The following CACNA1I variants were observed in gnomAD, a reference collection of about 807,000 sequenced individuals.
The protein encoded by CACNA1I is calcium voltage-gated channel subunit alpha1 I.
A neutral mutation model predicts 201.6 loss-of-function variants in CACNA1I; 74 were observed. That is an observed-to-expected ratio of 0.37 (90% CI 0.30 to 0.45). CACNA1I has a LOEUF of 0.45. Among genes scored for constraint, CACNA1I ranks in the 20% least tolerant of loss-of-function variants. CACNA1I has a pLI of 1.00. For missense variants in CACNA1I, 2,346 were observed against 3,138.1 expected (o/e 0.75, Z 6.03); for synonymous variants, 1,431 against 1,345.2 (o/e 1.06, Z -1.40).
chr22:39,618,839 G>A (rs1933642372), intron 3 of CACNA1I, among the ~76,000 whole-genome samples: 1 of 152,150 alleles, frequency 6.6e-6, no homozygotes, highest in African/African-American at 2.4e-5. Context: ...TGCCTCTTGA[G>A]GGAGATCTGG....
chr22:39,617,441 A>G (rs945539539), intron 3 of CACNA1I, among the ~76,000 whole-genome samples: 4 of 151,202 alleles, frequency 2.6e-5, no homozygotes, highest in Non-Finnish European at 5.9e-5. Flanking sequence ...GATCTGGAGA[A>G]CCAAGGCAGG....
At chr22:39,620,250 TCC>T (rs1191369119) in intron 4 of CACNA1I, among the ~76,000 whole-genome samples, 17 of 95,596 alleles carry the variant, frequency 1.8e-4, no homozygotes, top group African/African-American at 5.3e-4. Flanking sequence ...CATCCATCCA[TCC>T]ATCCATCCAT....
At chr22:39,650,815 G>C (rs1243977411) in intron 10 of CACNA1I, among the ~76,000 whole-genome samples, 2 of 152,234 alleles carry the variant, frequency 1.3e-5, no homozygotes, top group Non-Finnish European at 2.9e-5. Context: ...GGCCATCACA[G>C]GGCTGGTGGG....
intron 1 of CACNA1I, among the ~76,000 whole-genome samples, chr22:39,577,491 G>A (rs968014335): frequency 2.6e-5 from 4 of 152,234 alleles, no homozygotes; most frequent in Admixed American, 6.5e-5. Context: ...TGTGCTGCGC[G>A]TGACGAGGGT....
At position 39,665,403 on chromosome 22, in the gene CACNA1I, C is replaced by G; in HGVS notation, c.3852-95C>G. ...CTGGTGAGCCCTGGGGACTCATGCC[C>G]TGGGATACTCAGCCCTGGTGACTCT... On this transcript the variant is annotated intron_variant, in intron 21 of 36. Coordinates refer to ENST00000402142, the MANE Select transcript of CACNA1I (RefSeq NM_021096.4). This position sits in a 1 kb window ranked among gnomAD's most constrained non-coding sequence, Gnocchi z 5.5. 1 of 1,477,912 alleles carries G rather than the reference C, an allele frequency of 6.8e-7. No homozygotes were observed. The highest frequency in any genetic ancestry group is 9.2e-7 in the Non-Finnish European group (1 of 1,084,452). The allele number at this position is 1,477,912 out of a possible 1,614,324, so 91.5% of individuals were successfully genotyped here.
intron 19 of CACNA1I, 84 bp downstream of exon 19, chr22:39,663,925 C>A: frequency 6.3e-7 from 1 of 1,575,112 alleles, no homozygotes; most frequent in East Asian, 2.2e-5. Flanking sequence ...GAGACCTCAC[C>A]GAGGTGGGGA....
chr22:39,673,498 C>T (rs1318234366), intron 28 of CACNA1I, among the ~76,000 whole-genome samples: 1 of 152,224 alleles, frequency 6.6e-6, no homozygotes, highest in Non-Finnish European at 1.5e-5. Flanking sequence ...TTCTCCCTCC[C>T]CTCAAGGTAG....
rs764280323 is a variant in CACNA1I at position 39,659,125 on chromosome 22, G to A, written c.2330+9G>A. 73 of 1,611,304 alleles carry A rather than the reference G, an allele frequency of 4.5e-5. No individual in the cohort carries two copies. Among genetic ancestry groups the A allele is most frequent in the Non-Finnish European group, 6.1e-5 (72 of 1,179,450 alleles). ...TTCATCTTCATCTTCAGGTGAGCCT[G>A]CCCTGCTGGGGGCCATACCTCAGCA... On this transcript the variant is annotated intron_variant, in intron 12 of 36. Coordinates refer to ENST00000402142, the MANE Select transcript of CACNA1I (RefSeq NM_021096.4). This position sits in a 1 kb window ranked among gnomAD's most constrained non-coding sequence, Gnocchi z 4.3.
Position 39,677,912 on chromosome 22 carries a change from C to A in CACNA1I, c.4934-75C>A. The A allele has an allele frequency of 6.7e-7, 1 of 1,482,790 alleles. No homozygotes were observed. The allele number at this position is 1,482,790 out of a possible 1,614,324, so 91.9% of individuals were successfully genotyped here. On this transcript the variant is annotated intron_variant, in intron 30 of 36. Transcript: ENST00000402142. This position sits in a 1 kb window ranked among gnomAD's most constrained non-coding sequence, Gnocchi z 4.8. ...GTGTGATGAGGGTTCTGAGGCGAGG[C>A]GGGAGGCACCAGGTCAGGGTGAGCC... is the stretch of plus-strand genomic sequence containing the variant.
chr22:39,674,118 C>T (rs891612771), intron 29 of CACNA1I, 85 bp downstream of exon 29: 3 of 1,276,396 alleles, frequency 2.4e-6, no homozygotes, highest in African/African-American at 2.9e-5. Context: ...GATTTCCCTT[C>T]TCCTCACATC....
intron 3 of CACNA1I, among the ~76,000 whole-genome samples, chr22:39,605,705 C>A (rs1045525123): frequency 2.0e-5 from 3 of 152,140 alleles, no homozygotes; most frequent in African/African-American, 7.2e-5. Context: ...GGAATGGGGT[C>A]CTGCTTTTGA....
At chr22:39,587,802 G>C (rs1368857301) in intron 1 of CACNA1I, 2 of 427,560 alleles carry the variant, frequency 4.7e-6, no homozygotes, top group Non-Finnish European at 9.3e-6. Context: ...TTGAGACAGA[G>C]TCTTGCTCTG....
chr22:39,631,980 T>C (rs1396330353), intron 4 of CACNA1I, among the ~76,000 whole-genome samples: 2 of 151,748 alleles, frequency 1.3e-5, no homozygotes, highest in African/African-American at 4.8e-5. Flanking sequence ...GGGAGGGCTG[T>C]GAAGTGCGCT....
chr22:39,677,326 C>A lies in CACNA1I; in HGVS notation c.4855-15C>A. ...CGCTCCCCAGCCCCACCCGGCCTCA[C>A]CTGTCCTCCCGCAGGTGGGCAACCT... On this transcript the variant is annotated splice_polypyrimidine_tract_variant and intron_variant, in intron 29 of 36. Transcript: ENST00000402142. The surrounding 1 kb of genome is among the most constrained non-coding windows in gnomAD (Gnocchi z 4.8). The A allele has an allele frequency of 6.3e-7, 1 of 1,577,636 alleles. No homozygotes were observed. The highest frequency in any genetic ancestry group is 8.6e-7 in the Non-Finnish European group (1 of 1,164,316).
In CACNA1I at chr22:39,670,959, G is replaced by A. The variant is rs1486390700; in HGVS notation, c.4539+5G>A. 6.2e-7 allele frequency: 1 copy of A among 1,613,480 alleles called. No homozygotes were observed. Among genetic ancestry groups the A allele is most frequent in the Non-Finnish European group, 8.5e-7 (1 of 1,179,482 alleles). ...GAGCACTACAATCAGCCCACGGTGA[G>A]CCCTGGTCTGCCTCCCAGCCCAAGG... On this transcript the variant is annotated splice_donor_5th_base_variant and intron_variant, in intron 26 of 36. Coordinates refer to ENST00000402142, the MANE Select transcript of CACNA1I (RefSeq NM_021096.4).
Position 39,685,942 on chromosome 22 carries a change from G to A in CACNA1I, c.6209G>A (p.Arg2070His), listed in dbSNP as rs1274560043. 7.8e-7 allele frequency: 1 copy of A among 1,288,204 alleles called. No homozygotes were observed. The highest frequency in any genetic ancestry group is 9.7e-7 in the Non-Finnish European group (1 of 1,027,506). 79.8% of individuals were successfully genotyped at this position (1,288,204 alleles called of 1,614,324 possible). Residue 2070 changes from arginine (R) to histidine (H), a missense_variant, in exon 37 of 37, where the codon CGC becomes CAC. Transcript: ENST00000402142. The surrounding 1 kb of genome is among the most constrained non-coding windows in gnomAD (Gnocchi z 5.0). ...GCCGCTCGCCGCCGCCTGAGCCTGC[G>A]CGGCCGGGGCCTCTTCAGCCTGCGG... ...SPAARRRLSL[R>H]GRGLFSLRGL...
rs1375650117 is a variant in CACNA1I at position 39,686,146 on chromosome 22, C to A, written c.6413C>A (p.Pro2138Gln). 4 of 1,276,068 alleles carry A rather than the reference C, an allele frequency of 3.1e-6. No individual in the cohort carries two copies. Among genetic ancestry groups the A allele is most frequent in the African/African-American group, 1.6e-5 (1 of 64,124 alleles). 79.0% of individuals were successfully genotyped at this position (1,276,068 alleles called of 1,614,324 possible). A position where few individuals can be genotyped will look rare whatever the true frequency, so the allele number is the denominator to read the frequency against. ...CTCTCGCTCACCTCCCTCTTCTGCC[C>A]GCCGCCCCCGCCGCCAGCCCCCGGC... ...SSLSLTSLFC[P>Q]PPPPPAPGLT... The change falls in exon 37 of 37, where the codon CCG becomes CAG. Residue 2138 changes from proline to glutamine, a missense_variant. Physicochemically the swap from Pro to Gln is moderately conservative, Grantham distance 76. Around this residue, in one of 13 missense-constraint regions of CACNA1I, gnomAD observed 187 missense variants for 151.0 expected, o/e 1.24. Coordinates refer to ENST00000402142, the MANE Select transcript of CACNA1I (RefSeq NM_021096.4).
In CACNA1I at chr22:39,619,365, G is replaced by T; in HGVS notation, c.538G>T (p.Val180Leu). The stretch of plus-strand genomic sequence containing the variant: ...CATCAACCTGTCAGCCATCCGCACC[G>T]TGCGCGTCCTGAGGCCCCTCAAAGC... ...QNINLSAIRT[V>L]RVLRPLKAIN... Residue 180 changes from valine to leucine, a missense_variant, in exon 4 of 37, where the codon GTG (valine) becomes TTG (leucine). This residue lies in a region of CACNA1I where 227 missense variants were observed against 412.5 expected (regional missense o/e 0.55). Coordinates refer to ENST00000402142, the MANE Select transcript of CACNA1I (RefSeq NM_021096.4). The T allele has an allele frequency of 6.2e-7, 1 of 1,609,806 alleles. No individual in the cohort carries two copies.
Position 39,598,272 on chromosome 22 carries a change from C to CCGCCT in CACNA1I, c.348+14_348+15insTCGCC. ...CTGCAAGATCCTGCAGGTGAGCCGGCCGCCCCGCCCCGCCCCGCCCTGCCC... is the reference window on the plus strand; with the variant it reads ...CTGCAAGATCCTGCAGGTGAGCCGGCCGCCTCGCCCCGCCCCGCCCCGCCCTGCCC... On this transcript the variant is annotated intron_variant, in intron 2 of 36. Transcript: ENST00000402142. 2 of 1,296,406 alleles carry CCGCCT rather than the reference C, an allele frequency of 1.5e-6. No homozygotes were observed. The highest frequency in any genetic ancestry group is 2.1e-6 in the Non-Finnish European group (2 of 960,242). 80.3% of individuals were successfully genotyped at this position (1,296,406 alleles called of 1,614,324 possible). A position where few individuals can be genotyped will look rare whatever the true frequency, so the allele number is the denominator to read the frequency against.
Sources: gnomAD v4.1 joint callset for allele counts (sites outside exome capture counted in the v4.1 genomes callset) on GRCh38, gnomAD v4.1.1 for gene constraint, gnomAD v4.1.1 regional missense constraint, Gnocchi (gnomAD v3.1) non-coding constraint, MANE v1.5 for transcripts, NCBI Gene and HGNC (gene_info 2026-07-23, HGNC 2026-07-21) for gene names.